The following NSMCE2 variants were observed in gnomAD, a reference collection of about 807,000 sequenced individuals.
The protein encoded by NSMCE2 is E3 SUMO-protein ligase NSE2.
NSMCE2 carries 24 observed loss-of-function variants against 23.8 expected under a neutral mutation model. The observed-to-expected ratio is 1.01, with a 90% CI of 0.73 to 1.42. NSMCE2 has a LOEUF of 1.42. NSMCE2 is among the 40% of genes most tolerant of loss of function. NSMCE2 has a pLI of 0.00. For synonymous variants in NSMCE2, 92 were observed against 94.1 expected (o/e 0.98, Z 0.13); for missense variants, 284 against 296.5 (o/e 0.96, Z 0.31).
At chr8:125,093,093 C>A (rs368813666) in intron 1 of NSMCE2, among the ~76,000 whole-genome samples, 1 of 152,166 alleles carries the variant, frequency 6.6e-6, no homozygotes, top group African/African-American at 2.4e-5. Context: ...GCTTCTGTAA[C>A]GGAAATGCCA....
intron 5 of NSMCE2, among the ~76,000 whole-genome samples, chr8:125,292,873 C>T (rs1828164315): frequency 6.6e-6 from 1 of 152,230 alleles, no homozygotes; most frequent in Non-Finnish European, 1.5e-5. Context: ...TAATCATCTC[C>T]TCTAGGAGTG....
intron 4 of NSMCE2, among the ~76,000 whole-genome samples, chr8:125,170,696 C>A (rs1032054628): frequency 1.3e-5 from 2 of 152,116 alleles, no homozygotes; most frequent in Non-Finnish European, 2.9e-5. Flanking sequence ...GCGTGAGCCA[C>A]CGCACCCAGC....
chr8:125,346,026 A>G (rs1830421552), intron 5 of NSMCE2, among the ~76,000 whole-genome samples: 1 of 152,162 alleles, frequency 6.6e-6, no homozygotes, highest in Non-Finnish European at 1.5e-5. Flanking sequence ...GCGTGGTGGC[A>G]CATGCCTGTA....
Position 125,301,355 on chromosome 8 carries a change from C to T in NSMCE2, c.419-55864C>T, listed in dbSNP as rs547016900. 6.6e-5 allele frequency among the ~76,000 whole-genome samples: 10 copies of T among 152,294 alleles called. No homozygotes were observed. The South Asian group carries it at 2.1e-3, about 32-fold the overall frequency. On this transcript the variant is annotated intron_variant, in intron 5 of 7. Coordinates refer to ENST00000287437, the MANE Select transcript of NSMCE2 (RefSeq NM_173685.4). ...GGCCAAAGGTAATAGAATGCAGTGG[C>T]TCATGGTATCCAGCATCTGTCACAT...
At chr8:125,142,078 G>A (rs754491346) in intron 3 of NSMCE2, among the ~76,000 whole-genome samples, 1 of 152,106 alleles carries the variant, frequency 6.6e-6, no homozygotes, top group Non-Finnish European at 1.5e-5. Flanking sequence ...CTACCTTTTG[G>A]TTCCAAAGGC....
intron 5 of NSMCE2, among the ~76,000 whole-genome samples, chr8:125,294,269 T>C (rs541323711): frequency 2.0e-4 from 30 of 152,340 alleles, no homozygotes; most frequent in African/African-American, 7.2e-4. Flanking sequence ...CTGTGAACAT[T>C]TGTGTACAGT....
chr8:125,173,316 G>T (rs1031207229), intron 4 of NSMCE2, among the ~76,000 whole-genome samples: 1 of 152,178 alleles, frequency 6.6e-6, no homozygotes, highest in Non-Finnish European at 1.5e-5. Context: ...TGGTCATTAG[G>T]TGTGATGAGG....
rs1242981772 is a variant in NSMCE2 at position 125,151,249 on chromosome 8, T to G, written c.236T>G (p.Val79Gly). 1.3e-6 allele frequency: 2 copies of G among 1,598,280 alleles called. No individual in the cohort carries two copies. The highest frequency in any genetic ancestry group is 1.7e-6 in the Non-Finnish European group (2 of 1,166,408). The part of the protein sequence containing the change: ...ATLDRQLNHY[V>G]KAVQSTINHV... ...TTGGATCGGCAACTAAACCATTATG[T>G]AAAGGCTGTTCAATCTACAATAAAT... The change falls in exon 4 of 8, where the codon GTA (valine) becomes GGA (glycine). Residue 79 changes from valine to glycine, a missense_variant. By Grantham distance (109) the Val-to-Gly change is moderately radical. This residue lies in a region of NSMCE2 where 182 missense variants were observed against 155.5 expected (regional missense o/e 1.17). Transcript: ENST00000287437.
intron 5 of NSMCE2, among the ~76,000 whole-genome samples, chr8:125,251,292 A>G (rs1247928040): frequency 1.3e-5 from 2 of 152,234 alleles, no homozygotes; most frequent in East Asian, 1.9e-4. Flanking sequence ...CAATAATGAC[A>G]TAATACAGAA....
intron 5 of NSMCE2, among the ~76,000 whole-genome samples, chr8:125,191,524 C>G (rs1823342973): frequency 6.6e-6 from 1 of 152,184 alleles, no homozygotes; most frequent in Admixed American, 6.5e-5. Context: ...TCTGCTTCAT[C>G]TAGCTGAGAG....
chr8:125,104,270 A>G (rs1274073436), intron 3 of NSMCE2, among the ~76,000 whole-genome samples: 1 of 152,220 alleles, frequency 6.6e-6, no homozygotes, highest in Non-Finnish European at 1.5e-5. Context: ...AATTACAGGC[A>G]TGAGCCTCCA....
At chr8:125,115,234 C>T (rs184329737) in intron 3 of NSMCE2, among the ~76,000 whole-genome samples, 1 of 152,302 alleles carries the variant, frequency 6.6e-6, no homozygotes, top group African/African-American at 2.4e-5. Context: ...ACAAATTAGA[C>T]CCTCCCCAAC....
At chr8:125,148,997 T>C (rs576301265) in intron 3 of NSMCE2, among the ~76,000 whole-genome samples, 7 of 152,184 alleles carry the variant, frequency 4.6e-5, no homozygotes, top group Middle Eastern at 3.2e-3. Context: ...CATATATATG[T>C]TGGTACCAAG....
At chr8:125,190,227 T>A (rs1358475155) in intron 5 of NSMCE2, among the ~76,000 whole-genome samples, 1 of 152,240 alleles carries the variant, frequency 6.6e-6, no homozygotes, top group East Asian at 1.9e-4. Flanking sequence ...TCTGTGTGTC[T>A]CTTTCCTCCC....
intron 5 of NSMCE2, among the ~76,000 whole-genome samples, chr8:125,255,439 C>A (rs1297965714): frequency 1.3e-5 from 2 of 152,140 alleles, no homozygotes; most frequent in African/African-American, 4.8e-5. Flanking sequence ...CTTCCTTCAT[C>A]ATCAAGGAAG....
At chr8:125,215,708 T>C (rs556215286) in intron 5 of NSMCE2, among the ~76,000 whole-genome samples, 16 of 152,348 alleles carry the variant, frequency 1.1e-4, no homozygotes, top group African/African-American at 3.8e-4. Context: ...AATTGATTTT[T>C]GTATAAGGTG....
intron 5 of NSMCE2, among the ~76,000 whole-genome samples, chr8:125,342,778 T>A (rs977419052): frequency 6.6e-6 from 1 of 152,190 alleles, no homozygotes; most frequent in Non-Finnish European, 1.5e-5. Context: ...CAGATGAGTG[T>A]TCCTTACTCT....
At chr8:125,162,343 C>A (rs1194736005) in intron 4 of NSMCE2, among the ~76,000 whole-genome samples, 1 of 152,168 alleles carries the variant, frequency 6.6e-6, no homozygotes, top group African/African-American at 2.4e-5. Context: ...TGAAACTGAA[C>A]ATGTTATACT....
chr8:125,105,941 A>G (rs1198966749), intron 3 of NSMCE2, among the ~76,000 whole-genome samples: 3 of 152,158 alleles, frequency 2.0e-5, no homozygotes, highest in Non-Finnish European at 4.4e-5. Flanking sequence ...AGCAAGTTAT[A>G]TGGGAAAAAA....
Sources: gnomAD v4.1 joint callset for allele counts (sites outside exome capture counted in the v4.1 genomes callset) on GRCh38, gnomAD v4.1.1 for gene constraint, gnomAD v4.1.1 regional missense constraint, MANE v1.5 for transcripts, NCBI Gene and HGNC (gene_info 2026-07-23, HGNC 2026-07-21) for gene names.